The following FRMD4B variants were observed in gnomAD, a reference collection of about 807,000 sequenced individuals.
The protein encoded by FRMD4B is FERM domain-containing protein 4B.
Under a neutral mutation model 141.5 loss-of-function variants are expected in FRMD4B, and 74 were observed. The ratio of observed to expected loss-of-function variants is 0.52; its 90% CI spans 0.43 to 0.63. The LOEUF is 0.63. Among genes scored for constraint, FRMD4B ranks in the 30% least tolerant of loss-of-function variants. The probability of loss-of-function intolerance (pLI) is 0.00; values close to 1 mark genes in which losing one functional copy is unlikely to be tolerated. For missense variants in FRMD4B, 1,366 were observed against 1,253.4 expected, an observed-to-expected ratio of 1.09 and a Z score of -1.36; for synonymous variants, 506 against 467.9, an observed-to-expected ratio of 1.08 and a Z score of -1.05.
intron 1 of FRMD4B, among the ~76,000 whole-genome samples, chr3:69,346,382 AT>A (rs1702942489): frequency 6.6e-6 from 1 of 152,192 alleles, no homozygotes. Context: ...GACGGGGAGA[AT>A]GGAACCAAGT....
At chr3:69,235,742 G>A (rs897368490) in intron 7 of FRMD4B, among the ~76,000 whole-genome samples, 42 of 152,200 alleles carry the variant, frequency 2.8e-4, no homozygotes, top group African/African-American at 9.9e-4. Flanking sequence ...AGGTGGCAGA[G>A]AGTGGGCTAA....
At chr3:69,320,825 CT>C (rs1185771965) in intron 1 of FRMD4B, 1 of 152,208 alleles carries the variant, frequency 6.6e-6, no homozygotes, top group Non-Finnish European at 1.5e-5. Context: ...CCGCTACCTT[CT>C]CCCCTCATGG....
chr3:69,211,661 A>G (rs1011610208), intron 11 of FRMD4B, among the ~76,000 whole-genome samples: 1 of 152,214 alleles, frequency 6.6e-6, no homozygotes, highest in Admixed American at 6.5e-5. Flanking sequence ...TTTAAGCCAC[A>G]TAATTGTAAC....
intron 5 of FRMD4B, among the ~76,000 whole-genome samples, chr3:69,259,312 G>A (rs1045361005): frequency 1.3e-5 from 2 of 152,202 alleles, no homozygotes; most frequent in African/African-American, 2.4e-5. Context: ...GATTGGGAGC[G>A]GCTGTAAATA....
intron 1 of FRMD4B, among the ~76,000 whole-genome samples, chr3:69,373,719 A>AT (rs1170594973): frequency 3.3e-5 from 5 of 152,130 alleles, no homozygotes; most frequent in African/African-American, 1.2e-4. Flanking sequence ...ATAAAAAAAT[A>AT]CAAAAAATTG....
intron 2 of FRMD4B, among the ~76,000 whole-genome samples, chr3:69,431,041 T>A (rs1387874208): frequency 6.6e-6 from 1 of 151,832 alleles, no homozygotes; most frequent in Non-Finnish European, 1.5e-5. Context: ...CCAGGCTGCA[T>A]TGTGCAGTGG....
intron 1 of FRMD4B, among the ~76,000 whole-genome samples, chr3:69,366,701 G>C (rs1559832264): frequency 6.8e-6 from 1 of 146,678 alleles, no homozygotes; most frequent in African/African-American, 2.6e-5. Context: ...TCTTAAAAGA[G>C]CACAAACACG....
chr3:69,533,685 T>C (rs1701038089), intron 1 of FRMD4B, among the ~76,000 whole-genome samples: 1 of 152,154 alleles, frequency 6.6e-6, no homozygotes, highest in Non-Finnish European at 1.5e-5. Context: ...GCAACTTCTG[T>C]CCTTCCTCCT....
intron 7 of FRMD4B, among the ~76,000 whole-genome samples, chr3:69,239,108 G>A (rs533959617): frequency 2.0e-5 from 3 of 152,268 alleles, no homozygotes; most frequent in African/African-American, 7.2e-5. Flanking sequence ...GCCAAGTTCC[G>A]AGTTGTGAGC....
At chr3:69,218,484 G>C in intron 9 of FRMD4B, 105 bp from the exon 10 acceptor site, 1 of 587,486 alleles carries the variant, frequency 1.7e-6, no homozygotes, top group Non-Finnish European at 3.0e-6. Context: ...CTTATTATAA[G>C]AATAATTAAT....
chr3:69,455,555 A>G (rs1486036840), intron 1 of FRMD4B, among the ~76,000 whole-genome samples: 1 of 152,150 alleles, frequency 6.6e-6, no homozygotes, highest in Non-Finnish European at 1.5e-5. Flanking sequence ...GGAAGAAACT[A>G]CGAACACGTC....
chr3:69,323,011 T>A, intron 1 of FRMD4B: 12 of 977,296 alleles, frequency 1.2e-5, no homozygotes, highest in Non-Finnish European at 1.5e-5. Context: ...AGGACTCCTG[T>A]ACATCTCTTG....
chr3:69,314,843 GA>G (rs1236696133), intron 1 of FRMD4B, among the ~76,000 whole-genome samples: 1 of 150,502 alleles, frequency 6.6e-6, no homozygotes, highest in Admixed American at 6.6e-5. Flanking sequence ...CCAAAAAAAA[GA>G]AAAAAAAAGT....
In FRMD4B at chr3:69,193,297, T is replaced by C. The variant is rs183638309; in HGVS notation, c.1714+351A>G. On this transcript the variant is annotated intron_variant, in intron 17 of 22. Coordinates refer to ENST00000398540, the MANE Select transcript of FRMD4B (RefSeq NM_015123.3). ...GCTGAGGAGGGTGGATCACCTGAGATCAGGAGTTTGAGACCAGCCTGACCG... is the reference window on the plus strand; with the variant it reads ...GCTGAGGAGGGTGGATCACCTGAGACCAGGAGTTTGAGACCAGCCTGACCG... Among the ~76,000 whole-genome samples the C allele has an allele frequency of 3.7e-3, 558 of 152,204 alleles. 2 individuals carry two copies. The highest frequency in any genetic ancestry group is 1.0e-2 in the South Asian group (48 of 4,816).
chr3:69,328,543 A>G (rs187085662), intron 1 of FRMD4B, among the ~76,000 whole-genome samples: 7 of 152,336 alleles, frequency 4.6e-5, no homozygotes, highest in African/African-American at 1.2e-4. Context: ...TCTTAGTCAC[A>G]GGATGAGATA....
At chr3:69,193,319 A>G (rs57585024) in intron 17 of FRMD4B, among the ~76,000 whole-genome samples, 4,160 of 152,224 alleles carry the variant, frequency 0.027, 202 homozygotes, top group African/African-American at 0.096. Context: ...GACCAGCCTG[A>G]CCGAGATGGT....
intron 20 of FRMD4B, among the ~76,000 whole-genome samples, chr3:69,182,047 T>C (rs145470885): frequency 0.016 from 2,385 of 151,894 alleles, 27 homozygotes; most frequent in Non-Finnish European, 0.027. Flanking sequence ...AAACCCAACG[T>C]GTCTTTGGAG....
rs541984730 is a variant in FRMD4B at position 69,401,890 on chromosome 3, C to G, written c.-1+30744G>C. ...TCAGTGTAAGAAGCACAGGGGTCAA[C>G]AAGAGGAGATACAACCACTGTAATC... On this transcript the variant is annotated intron_variant, in intron 2 of 5. Coordinates refer to the FRMD4B transcript ENST00000459638. Among the ~76,000 whole-genome samples the G allele has an allele frequency of 1.5e-3, 229 of 152,208 alleles. 2 individuals carry two copies. The highest frequency in any genetic ancestry group is 2.7e-3 in the Non-Finnish European group (186 of 68,004).
Position 69,408,181 on chromosome 3 carries a change from A to T in FRMD4B, c.-1+24453T>A, listed in dbSNP as rs905969882. Reference sequence around the variant, plus strand: ...TGGGTAGGAATTAATGCATAGATGAAATGGGAAGGTGAAATCAGGGGAAAA... The same window carrying T: ...TGGGTAGGAATTAATGCATAGATGATATGGGAAGGTGAAATCAGGGGAAAA... On this transcript the variant is annotated intron_variant, in intron 2 of 5. Coordinates refer to the FRMD4B transcript ENST00000459638. Among the ~76,000 whole-genome samples, 4 of 152,146 alleles carry T rather than the reference A, an allele frequency of 2.6e-5. No homozygotes were observed. The South Asian group carries it at 8.3e-4, about 32-fold the overall frequency.
Sources: allele counts gnomAD v4.1 joint callset (sites outside exome capture counted in the v4.1 genomes callset), GRCh38; gene constraint gnomAD v4.1.1; transcripts MANE v1.5; gene names NCBI Gene and HGNC (gene_info 2026-07-23, HGNC 2026-07-21).